DPP4: variants seen among roughly 807,000 people sequenced by gnomAD.
DPP4 encodes the protein ADCP-2.
A neutral mutation model predicts 122.4 loss-of-function variants in DPP4; 93 were observed. The observed-to-expected ratio is 0.76, with a 90% CI of 0.64 to 0.90. DPP4 has a LOEUF of 0.90. Among genes scored for constraint, DPP4 ranks in the 40% least tolerant of loss-of-function variants. The pLI is 0.00. For synonymous variants in DPP4, 321 were observed against 302.9 expected, an observed-to-expected ratio of 1.06 and a Z score of -0.62; for missense variants, 914 against 907.3, an observed-to-expected ratio of 1.01 and a Z score of -0.09.
At position 162,061,069 on chromosome 2, in the gene DPP4, A is replaced by C. The variant is rs1042782684; in HGVS notation, c.94+12330T>G. ...TCTTTTTTACTTGAAACAGGGTCTC[A>C]CTCTGTCACCCAGGCTAGAGTGCAA... On this transcript the variant is annotated intron_variant, in intron 2 of 25. Transcript: ENST00000360534. Among the ~76,000 whole-genome samples, 45 of 136,672 alleles carry C rather than the reference A, an allele frequency of 3.3e-4. 1 individual carries two copies. The Admixed American group carries it at 3.6e-3, about 11-fold the overall frequency. The allele number at this position is 136,672 out of a possible 152,430, so 89.7% of individuals were successfully genotyped here.
chr2:162,003,691 G>C (rs1701209536), intron 23 of DPP4, among the ~76,000 whole-genome samples: 1 of 152,116 alleles, frequency 6.6e-6, no homozygotes, highest in Admixed American at 6.5e-5. Flanking sequence ...ATTCTGGTTG[G>C]GTCGTTAACA....
At chr2:162,033,862 G>A (rs867653625) in intron 9 of DPP4, among the ~76,000 whole-genome samples, 5 of 104,032 alleles carry the variant, frequency 4.8e-5, no homozygotes, top group African/African-American at 1.1e-4. Flanking sequence ...CAGAATATGT[G>A]TATATATATA....
chr2:161,998,106 G>C (rs1243803964), intron 23 of DPP4, among the ~76,000 whole-genome samples: 2 of 152,272 alleles, frequency 1.3e-5, no homozygotes, highest in African/African-American at 4.8e-5. Context: ...CACAGCCCTG[G>C]GTGATTTGGG....
At chr2:162,050,301 A>C (rs1460152634) in intron 2 of DPP4, among the ~76,000 whole-genome samples, 4 of 152,232 alleles carry the variant, frequency 2.6e-5, no homozygotes, top group Non-Finnish European at 5.9e-5. Flanking sequence ...GTAATTTGAA[A>C]TATAGATGGT....
chr2:162,022,949 A>T (rs183974663), intron 11 of DPP4, 150 bp from the exon 12 acceptor site: 1 of 819,842 alleles, frequency 1.2e-6, no homozygotes, highest in African/African-American at 1.7e-5. Flanking sequence ...GTATTTTTCA[A>T]GTCATTACAT....
rs1452250816 is a variant in DPP4 at position 162,035,399 on chromosome 2, C to T, written c.614-75G>A. 6 of 1,406,446 alleles carry T rather than the reference C, an allele frequency of 4.3e-6. No homozygotes were observed. In the East Asian group the frequency reaches 1.2e-4, roughly 28 times the overall value. 87.1% of individuals were successfully genotyped at this position (1,406,446 alleles called of 1,614,324 possible). A position where few individuals can be genotyped will look rare whatever the true frequency, so the allele number is the denominator to read the frequency against. Reference sequence around the variant, plus strand: ...GCTTTGGCATTCAAAATATTGTTCTCATTAGCTTTAGTAATTACAGTAGAG... The same window carrying T: ...GCTTTGGCATTCAAAATATTGTTCTTATTAGCTTTAGTAATTACAGTAGAG... On this transcript the variant is annotated intron_variant, in intron 8 of 25. Transcript: ENST00000360534.
chr2:162,015,243 C>T (rs978906387), intron 18 of DPP4, among the ~76,000 whole-genome samples: 5 of 152,042 alleles, frequency 3.3e-5, no homozygotes, highest in Non-Finnish European at 7.4e-5. Context: ...ATCTCTAGAG[C>T]TATTTTTATC....
intron 24 of DPP4, 127 bp from the exon 25 acceptor site, chr2:161,995,161 CAA>C (rs1201820888): frequency 7.6e-7 from 1 of 1,315,274 alleles, no homozygotes; most frequent in Non-Finnish European, 1.1e-6. Flanking sequence ...CCATTTAGCC[CAA>C]GACAAGTGAC....
intron 5 of DPP4, among the ~76,000 whole-genome samples, chr2:162,043,950 C>T (rs1344100454): frequency 2.6e-5 from 4 of 152,082 alleles, no homozygotes; most frequent in African/African-American, 9.7e-5. Flanking sequence ...ATTAGTCAAG[C>T]CCAAAATGTT....
intron 10 of DPP4, among the ~76,000 whole-genome samples, chr2:162,026,390 CT>C (rs1683331956): frequency 6.6e-6 from 1 of 152,174 alleles, no homozygotes; most frequent in South Asian, 2.1e-4. Flanking sequence ...ATTGGGGTCC[CT>C]TTTCACTTCA....
intron 5 of DPP4, among the ~76,000 whole-genome samples, chr2:162,044,964 CT>C (rs370441659): frequency 5.5e-3 from 779 of 141,818 alleles, no homozygotes; most frequent in African/African-American, 7.8e-3. Flanking sequence ...TTCTTTCTTT[CT>C]TTTTTTTTTT....
At chr2:161,998,391 C>T (rs1447610460) in intron 23 of DPP4, among the ~76,000 whole-genome samples, 2 of 152,144 alleles carry the variant, frequency 1.3e-5, no homozygotes, top group Non-Finnish European at 2.9e-5. Flanking sequence ...CTTCCTCCCT[C>T]CTTGTTGCTC....
intron 2 of DPP4, among the ~76,000 whole-genome samples, chr2:162,069,382 A>C (rs1237046202): frequency 6.6e-6 from 1 of 152,190 alleles, no homozygotes; most frequent in African/African-American, 2.4e-5. Flanking sequence ...TAATTTCTTA[A>C]GTCATAAAAT....
intron 23 of DPP4, among the ~76,000 whole-genome samples, chr2:161,996,940 T>G (rs1701021992): frequency 6.6e-6 from 1 of 152,148 alleles, no homozygotes; most frequent in Admixed American, 6.5e-5. Flanking sequence ...TCCATCACAA[T>G]AATAGGAACT....
At chr2:162,044,201 T>C (rs1576060937) in intron 5 of DPP4, among the ~76,000 whole-genome samples, 1 of 152,206 alleles carries the variant, frequency 6.6e-6, no homozygotes. Flanking sequence ...AATCCATTAA[T>C]TGGCAACAGA....
chr2:162,028,857 C>T (rs1683443015), intron 10 of DPP4, among the ~76,000 whole-genome samples: 1 of 152,184 alleles, frequency 6.6e-6, no homozygotes, highest in Non-Finnish European at 1.5e-5. Flanking sequence ...ATTTAAGTAA[C>T]TTGCCCACTA....
Position 162,011,866 on chromosome 2 carries a change from C to T in DPP4, c.1759G>A (p.Gly587Arg). The change falls in exon 20 of 26, where the codon GGA becomes AGA. Residue 587 changes from glycine (G) to arginine (R), a missense_variant. Physicochemically the swap from Gly to Arg is moderately radical, Grantham distance 125 (BLOSUM62 -2). Coordinates refer to ENST00000360534, the MANE Select transcript of DPP4 (RefSeq NM_001935.4). ...SFDGRGSGYQ[G>R]DKIMHAINRR... ...TTGATTGCATGCATGATCTTATCTC[C>T]TTGGTAACCACTTCCTCTGCCATCA... 1.2e-6 allele frequency: 2 copies of T among 1,613,696 alleles called. No individual in the cohort carries two copies. Among genetic ancestry groups the T allele is most frequent in the African/African-American group, 1.3e-5 (1 of 74,996 alleles).
intron 12 of DPP4, 134 bp from the exon 13 acceptor site, chr2:162,020,822 G>A (rs571065410): frequency 1.7e-5 from 9 of 544,022 alleles, no homozygotes; most frequent in African/African-American, 1.5e-4. Flanking sequence ...ATTAAAATTA[G>A]TGTCTCAAAA....
chr2:162,073,858 G>C (rs1385642704), intron 1 of DPP4, 118 bp downstream of exon 1: 18 of 1,395,890 alleles, frequency 1.3e-5, no homozygotes, highest in Non-Finnish European at 1.8e-5. Context: ...GGGTGGCCTT[G>C]GGGCTTCCGC....
Sources: gnomAD v4.1 joint callset for allele counts (sites outside exome capture counted in the v4.1 genomes callset) on GRCh38, gnomAD v4.1.1 for gene constraint, MANE v1.5 for transcripts, NCBI Gene and HGNC (gene_info 2026-07-23, HGNC 2026-07-21) for gene names.